Variants in TMX4 observed in about 807,000 individuals in gnomAD.
The protein encoded by TMX4 is thioredoxin-related transmembrane protein 4.
In TMX4, 23 loss-of-function variants were observed where a neutral mutation model predicts 33.3. The ratio of observed to expected loss-of-function variants is 0.69; its 90% confidence interval spans 0.50 to 0.98. TMX4 has a LOEUF of 0.98. Among genes scored for constraint, TMX4 ranks in the 50% least tolerant of loss-of-function variants. The pLI is 0.00. For missense variants in TMX4, 399 were observed against 448.9 expected, an observed-to-expected ratio of 0.89 and a Z score of 1.01; for synonymous variants, 164 against 161.5, an observed-to-expected ratio of 1.02 and a Z score of -0.12.
chr20:8,016,090 G>T (rs1357742010), intron 1 of TMX4, among the ~76,000 whole-genome samples: 1 of 152,176 alleles, frequency 6.6e-6, no homozygotes, highest in African/African-American at 2.4e-5. Flanking sequence ...AGCAAATGTT[G>T]AAAGTAGCAA....
At chr20:7,983,058 A>G (rs530419808) in intron 7 of TMX4, among the ~76,000 whole-genome samples, 8 of 152,354 alleles carry the variant, frequency 5.3e-5, no homozygotes, top group Admixed American at 6.5e-5. Context: ...GACTATCAAC[A>G]GCTCTTATGA....
chr20:7,982,101 G>A lies in TMX4; in HGVS notation c.*150C>T. On this transcript the variant is annotated 3_prime_UTR_variant, in exon 8 of 8. Transcript: ENST00000246024. ...GGAAGACTCTCCTTAGTATACATGA[G>A]GCTTACTGCCATGAGACCAAATGAC... 4.0e-6 allele frequency: 3 copies of A among 749,132 alleles called. No individual in the cohort carries two copies. The South Asian group carries it at 5.7e-5, about 14-fold the overall frequency. 46.4% of individuals were successfully genotyped at this position (749,132 alleles called of 1,614,324 possible).
chr20:7,980,865 T>G lies in TMX4; in HGVS notation c.*1386A>C. 1 of 152,344 alleles carries G rather than the reference T, an allele frequency of 6.6e-6. No individual in the cohort carries two copies. The highest frequency in any genetic ancestry group is 1.9e-4 in the East Asian group (1 of 5,192). The allele number at this position is 152,344 out of a possible 1,614,324, so 9.4% of individuals were successfully genotyped here. A position where few individuals can be genotyped will look rare whatever the true frequency, so the allele number is the denominator to read the frequency against. ...GGAAAGGGTTATCTAAACAGCCAGA[T>G]AGAAATATACTGCACGTTCCTTTTT... On this transcript the variant is annotated 3_prime_UTR_variant, in exon 8 of 8. Transcript: ENST00000246024.
chr20:7,983,775 A>C lies in TMX4; in HGVS notation c.679+19T>G. 6.2e-7 allele frequency: 1 copy of C among 1,610,500 alleles called. No individual in the cohort carries two copies. Among genetic ancestry groups the C allele is most frequent in the Non-Finnish European group, 8.5e-7 (1 of 1,177,546 alleles). ...GAATTCCAAAAACACTCTAGATCAC[A>C]GGAGCTTATCGTACTTACCAGAACG... On this transcript the variant is annotated intron_variant, in intron 7 of 7. Coordinates refer to ENST00000246024, the MANE Select transcript of TMX4 (RefSeq NM_021156.4).
In TMX4 at chr20:7,982,461, C is replaced by T; in HGVS notation, c.840G>A (p.Glu280=). 3 of 1,614,102 alleles carry T rather than the reference C, an allele frequency of 1.9e-6. No individual in the cohort carries two copies. The highest frequency in any genetic ancestry group is 2.5e-6 in the Non-Finnish European group (3 of 1,180,022). ...LGDEDEAEEE[E]EEDNLAAGVD... is the part of the protein sequence containing the mutation. Reference sequence around the variant, plus strand: ...CACCAGCAGCCAAGTTGTCCTCCTCCTCTTCTTCCTCTGCTTCATCCTCAT... The same window carrying T: ...CACCAGCAGCCAAGTTGTCCTCCTCTTCTTCTTCCTCTGCTTCATCCTCAT... The change falls in exon 8 of 8, where the codon GAG becomes GAA. Residue 280 remains glutamate (E), a synonymous_variant. Transcript: ENST00000246024.
intron 5 of TMX4, 43 bp downstream of exon 5, chr20:7,995,983 T>TA (rs1447547211): frequency 6.8e-7 from 1 of 1,462,476 alleles, no homozygotes; most frequent in Non-Finnish European, 9.4e-7. Context: ...TTTTTATTCT[T>TA]AACCTCTCTG....
intron 6 of TMX4, among the ~76,000 whole-genome samples, chr20:7,984,219 C>A (rs1299652099): frequency 6.6e-6 from 1 of 152,188 alleles, no homozygotes; most frequent in Non-Finnish European, 1.5e-5. Flanking sequence ...ACGGGTAACC[C>A]CTGATTGAAT....
rs1454908139 is a variant in TMX4 at position 8,019,532 on chromosome 20, C to G, written c.82G>C (p.Glu28Gln). 14 of 1,480,672 alleles carry G rather than the reference C, an allele frequency of 9.5e-6. No homozygotes were observed. The highest frequency in any genetic ancestry group is 2.9e-5 in the African/African-American group (2 of 68,028). The allele number at this position is 1,480,672 out of a possible 1,614,324, so 91.7% of individuals were successfully genotyped here. Residue 28 changes from glutamate to glutamine, a missense_variant, in exon 1 of 8, where the codon GAG becomes CAG. Transcript: ENST00000246024. ...IAAVAATAGP[E>Q]EAALPPEQSR... ...TGCTCCGGCGGCAGCGCGGCCTCCTCGGGGCCTGCCGTCGCCGCCACAGCC... is the reference window on the plus strand; with the variant it reads ...TGCTCCGGCGGCAGCGCGGCCTCCTGGGGGCCTGCCGTCGCCGCCACAGCC...
intron 1 of TMX4, among the ~76,000 whole-genome samples, chr20:8,018,524 G>GACTC (rs2050793544): frequency 2.2e-5 from 1 of 45,336 alleles, no homozygotes; most frequent in African/African-American, 2.8e-4. Flanking sequence ...GAGAGAGAGA[G>GACTC]AGAGTCTGCA....
intron 2 of TMX4, among the ~76,000 whole-genome samples, chr20:8,008,877 A>C (rs1262561332): frequency 5.3e-5 from 8 of 152,196 alleles, no homozygotes; most frequent in Non-Finnish European, 1.5e-5. Flanking sequence ...GCTTACAAAG[A>C]TAGAGGAATG....
At chr20:7,988,948 C>T (rs1052887287) in intron 5 of TMX4, among the ~76,000 whole-genome samples, 12 of 151,530 alleles carry the variant, frequency 7.9e-5, no homozygotes, top group South Asian at 4.2e-4. Context: ...GCTTGAACCC[C>T]GGAGGCAGAG....
At chr20:8,018,995 G>A (rs2294248) in intron 1 of TMX4, 146,153 of 447,218 alleles carry the variant, frequency 0.33, 28,384 homozygotes, top group East Asian at 0.83. Context: ...CATACTGCAC[G>A]TGGATGTCAC....
intron 4 of TMX4, 101 bp from the exon 5 acceptor site, chr20:7,996,172 T>TA: frequency 1.1e-6 from 1 of 873,214 alleles, no homozygotes; most frequent in South Asian, 1.7e-5. Context: ...CACTTCTTGC[T>TA]AAATATTGCC....
chr20:8,014,718 G>A (rs2050765770), intron 1 of TMX4, among the ~76,000 whole-genome samples: 1 of 152,206 alleles, frequency 6.6e-6, no homozygotes, highest in Non-Finnish European at 1.5e-5. Flanking sequence ...GGTGAACAGT[G>A]TCAGGAATGA....
At chr20:8,006,543 G>C (rs1309353813) in intron 2 of TMX4, among the ~76,000 whole-genome samples, 1 of 152,098 alleles carries the variant, frequency 6.6e-6, no homozygotes, top group African/African-American at 2.4e-5. Flanking sequence ...ATTTCAATGA[G>C]TTTTTACTAT....
At chr20:8,001,855 C>A (rs371282593) in intron 2 of TMX4, among the ~76,000 whole-genome samples, 2 of 152,066 alleles carry the variant, frequency 1.3e-5, no homozygotes. Flanking sequence ...GATTATTTAA[C>A]CTTTCTTAGT....
intron 4 of TMX4, among the ~76,000 whole-genome samples, chr20:7,996,283 C>T (rs2050676062): frequency 6.6e-6 from 1 of 152,144 alleles, no homozygotes; most frequent in African/African-American, 2.4e-5. Context: ...GGCCCTTTCT[C>T]CTTTCATTGT....
At chr20:8,005,534 G>A (rs920756285) in intron 2 of TMX4, among the ~76,000 whole-genome samples, 9 of 152,200 alleles carry the variant, frequency 5.9e-5, no homozygotes, top group African/African-American at 1.9e-4. Flanking sequence ...GGACCTAGGC[G>A]AGGACAGGCA....
At chr20:8,003,495 AG>A (rs1275259473) in intron 2 of TMX4, among the ~76,000 whole-genome samples, 1 of 152,204 alleles carries the variant, frequency 6.6e-6, no homozygotes, top group Admixed American at 6.5e-5. Context: ...ATAAATAAGT[AG>A]AAAAATATTT....
Sources: gnomAD v4.1 joint callset for allele counts (sites outside exome capture counted in the v4.1 genomes callset) on GRCh38, gnomAD v4.1.1 for gene constraint, MANE v1.5 for transcripts, NCBI Gene and HGNC (gene_info 2026-07-23, HGNC 2026-07-21) for gene names.